Variants in NBEA observed in about 807,000 individuals in gnomAD.
The protein encoded by NBEA is lysosomal-trafficking regulator 2.
In NBEA, 44 loss-of-function variants were observed where a neutral mutation model predicts 343.4. The observed-to-expected ratio is 0.13, with a 90% CI of 0.10 to 0.16. NBEA has a LOEUF of 0.16. NBEA is among the 10% of genes least tolerant of loss of function. The pLI, the probability that NBEA is intolerant of heterozygous loss-of-function variation, is 1.00. For synonymous variants in NBEA, 1,175 were observed against 1,238.7 expected (o/e 0.95, Z 1.08); for missense variants, 2,555 against 3,631.3 (o/e 0.70, Z 7.62).
At chr13:35,283,668 A>G (rs948952056) in intron 34 of NBEA, among the ~76,000 whole-genome samples, 1 of 152,118 alleles carries the variant, frequency 6.6e-6, no homozygotes, top group Admixed American at 6.6e-5. Context: ...AGGCTGGGAG[A>G]GCTCCCTAAT....
At chr13:35,487,200 A>G (rs979128213) in intron 41 of NBEA, among the ~76,000 whole-genome samples, 1 of 151,914 alleles carries the variant, frequency 6.6e-6, no homozygotes. Context: ...ATTCTTTGGT[A>G]TAGATACTAA....
intron 6 of NBEA, among the ~76,000 whole-genome samples, chr13:35,053,974 T>C (rs1002154969): frequency 2.0e-5 from 3 of 152,168 alleles, no homozygotes; most frequent in African/African-American, 7.2e-5. Flanking sequence ...CATGTCTTTA[T>C]GAAGTAAAAT....
At chr13:35,627,956 C>G in intron 48 of NBEA, 125 bp from the exon 49 acceptor site, 1 of 679,368 alleles carries the variant, frequency 1.5e-6, no homozygotes, top group Non-Finnish European at 2.3e-6. Context: ...ACATATAAAT[C>G]AAGTACAGAA....
At chr13:34,994,269 T>C (rs1279161185) in intron 1 of NBEA, among the ~76,000 whole-genome samples, 2 of 150,520 alleles carry the variant, frequency 1.3e-5, no homozygotes, top group Non-Finnish European at 3.0e-5. Flanking sequence ...TAGTGGTTTA[T>C]ATGAAATAAT....
At chr13:35,471,050 AAGAC>A (rs1678994782) in intron 40 of NBEA, among the ~76,000 whole-genome samples, 2 of 152,118 alleles carry the variant, frequency 1.3e-5, no homozygotes, top group Non-Finnish European at 2.9e-5. Context: ...AGTGAAATGA[AAGAC>A]AGGGCTGTGC....
At chr13:35,605,428 G>A (rs1026202455) in intron 47 of NBEA, among the ~76,000 whole-genome samples, 1 of 152,032 alleles carries the variant, frequency 6.6e-6, no homozygotes, top group Non-Finnish European at 1.5e-5. Flanking sequence ...AGTATGTGGT[G>A]GTTTTAATTT....
At chr13:35,208,620 C>T (rs750600727) in intron 31 of NBEA, 80 bp from the exon 32 acceptor site, 48 of 1,213,070 alleles carry the variant, frequency 4.0e-5, no homozygotes, top group Non-Finnish European at 5.3e-5. Flanking sequence ...TCGATGTTGA[C>T]TATGTATATC....
At chr13:35,261,192 G>C (rs1593981370) in intron 34 of NBEA, among the ~76,000 whole-genome samples, 1 of 152,174 alleles carries the variant, frequency 6.6e-6, no homozygotes, top group East Asian at 1.9e-4. Context: ...AGGATTGTCA[G>C]CTACTATAAA....
chr13:35,310,212 A>G (rs974339427), intron 36 of NBEA, among the ~76,000 whole-genome samples: 16 of 152,174 alleles, frequency 1.1e-4, no homozygotes, highest in Non-Finnish European at 1.9e-4. Context: ...AGTTATTTAC[A>G]AATAAAGTAT....
chr13:35,416,694 TC>T (rs2043931620), intron 38 of NBEA, among the ~76,000 whole-genome samples: 1 of 152,194 alleles, frequency 6.6e-6, no homozygotes, highest in Non-Finnish European at 1.5e-5. Flanking sequence ...GGTCTAAAAT[TC>T]TCTCTTTTTT....
intron 47 of NBEA, among the ~76,000 whole-genome samples, chr13:35,594,947 T>TCA (rs71196581): frequency 0.13 from 14,015 of 110,952 alleles, 737 homozygotes; most frequent in African/African-American, 0.17. Flanking sequence ...TTTGACATCA[T>TCA]CACACACACA....
chr13:35,257,882 G>T (rs2032797360), intron 34 of NBEA, among the ~76,000 whole-genome samples: 1 of 152,032 alleles, frequency 6.6e-6, no homozygotes, highest in Non-Finnish European at 1.5e-5. Context: ...TTACTTGAGT[G>T]AACAGTTTTT....
At chr13:35,365,474 T>C (rs533140638) in intron 38 of NBEA, among the ~76,000 whole-genome samples, 2 of 151,762 alleles carry the variant, frequency 1.3e-5, no homozygotes, top group African/African-American at 4.8e-5. Context: ...TCTCTTAGTC[T>C]ATAACTTAGC....
chr13:35,145,007 T>C (rs1263235341), intron 18 of NBEA, among the ~76,000 whole-genome samples: 1 of 152,204 alleles, frequency 6.6e-6, no homozygotes, highest in African/African-American at 2.4e-5. Flanking sequence ...TGGGATTATA[T>C]TGAAATTATG....
At chr13:35,471,064 CG>C (rs2075621757) in intron 40 of NBEA, among the ~76,000 whole-genome samples, 1 of 152,156 alleles carries the variant, frequency 6.6e-6, no homozygotes, top group Non-Finnish European at 1.5e-5. Flanking sequence ...CAGGGCTGTG[CG>C]TGGGTCTGGC....
intron 33 of NBEA, among the ~76,000 whole-genome samples, chr13:35,223,338 T>C (rs945102171): frequency 5.9e-5 from 9 of 152,196 alleles, no homozygotes; most frequent in African/African-American, 2.2e-4. Flanking sequence ...CTACATGAAT[T>C]ACCTCCGTTT....
chr13:35,121,398 T>C (rs2152674063), intron 16 of NBEA, among the ~76,000 whole-genome samples: 1 of 152,172 alleles, frequency 6.6e-6, no homozygotes, highest in South Asian at 2.1e-4. Context: ...TGAGCCACCA[T>C]GCCTGGCCCA....
chr13:35,203,764 T>A (rs1463030508), intron 31 of NBEA, among the ~76,000 whole-genome samples: 1 of 152,196 alleles, frequency 6.6e-6, no homozygotes, highest in East Asian at 1.9e-4. Flanking sequence ...ATTAATGAAA[T>A]ATTTTATCAA....
chr13:35,284,782 C>T (rs2035309065), intron 34 of NBEA, among the ~76,000 whole-genome samples: 1 of 152,002 alleles, frequency 6.6e-6, no homozygotes. Context: ...GTAAATTTTA[C>T]AGAGAGAAGC....
Sources: allele counts gnomAD v4.1 joint callset (sites outside exome capture counted in the v4.1 genomes callset), GRCh38; gene constraint gnomAD v4.1.1; transcripts MANE v1.5; gene names NCBI Gene and HGNC (gene_info 2026-07-23, HGNC 2026-07-21).